PPM1K: variants seen among roughly 807,000 people sequenced by gnomAD.
PPM1K encodes the protein protein phosphatase, Mg2+/Mn2+ dependent 1K, also known as protein phosphatase Mn(2+)-dependent 1K.
A neutral mutation model predicts 32.6 loss-of-function variants in PPM1K; 19 were observed. The observed-to-expected ratio is 0.58, with a 90% CI of 0.41 to 0.86. The LOEUF is 0.86. Ranked by LOEUF, PPM1K falls within the 40% of genes least tolerant of loss-of-function variation. PPM1K has a pLI of 0.00. For missense variants in PPM1K, 362 were observed against 461.2 expected, an observed-to-expected ratio of 0.78 and a Z score of 1.97; for synonymous variants, 159 against 165.3, an observed-to-expected ratio of 0.96 and a Z score of 0.29.
intron 3 of PPM1K, 90 bp from the exon 4 acceptor site, chr4:88,268,996 A>T: frequency 9.2e-7 from 1 of 1,090,826 alleles, no homozygotes; most frequent in Non-Finnish European, 1.3e-6. Flanking sequence ...CACAAGCATG[A>T]TAAACTAATG....
chr4:88,273,193 A>G (rs1309437120), intron 3 of PPM1K, among the ~76,000 whole-genome samples: 2 of 152,258 alleles, frequency 1.3e-5, no homozygotes, highest in African/African-American at 4.8e-5. Context: ...TGGTATTGAT[A>G]CAGGAGCTAG....
intron 5 of PPM1K, among the ~76,000 whole-genome samples, chr4:88,265,970 T>A (rs1306704380): frequency 6.6e-6 from 1 of 152,172 alleles, no homozygotes. Context: ...TGAGCAGAGG[T>A]GCATTGACCT....
At chr4:88,268,131 G>T in intron 5 of PPM1K, 59 bp downstream of exon 5, 1 of 1,562,490 alleles carries the variant, frequency 6.4e-7, no homozygotes, top group Non-Finnish European at 8.8e-7. Context: ...AGGTGCAGCA[G>T]AGACAATCCT....
chr4:88,278,856 A>T lies in PPM1K; in HGVS notation c.-59-214T>A. 1 of 380,012 alleles carries T rather than the reference A, an allele frequency of 2.6e-6. No homozygotes were observed. Among genetic ancestry groups the T allele is most frequent in the Non-Finnish European group, 4.8e-6 (1 of 209,800 alleles). 23.5% of individuals were successfully genotyped at this position (380,012 alleles called of 1,614,324 possible). A position where few individuals can be genotyped will look rare whatever the true frequency, so the allele number is the denominator to read the frequency against. On this transcript the variant is annotated intron_variant, in intron 1 of 6. Coordinates refer to ENST00000608933, the MANE Select transcript of PPM1K (RefSeq NM_152542.5). This position sits in a 1 kb window ranked among gnomAD's most constrained non-coding sequence, Gnocchi z 4.2. ...AGGCATCCAGTAGCCTGCTTCTAAG[A>T]ACAGTGGATCAAAAATGAATCGATT...
At position 88,278,911 on chromosome 4, in the gene PPM1K, T is replaced by C. The variant is rs1731903279; in HGVS notation, c.-59-269A>G. On this transcript the variant is annotated intron_variant, in intron 1 of 6. Transcript: ENST00000608933. This position sits in a 1 kb window ranked among gnomAD's most constrained non-coding sequence, Gnocchi z 4.2. ...TACCGCATTCACAGCATTTAAATTC[T>C]ATAAAAATTTAACAGTGTGCACATA... The C allele has an allele frequency of 3.7e-6, 1 of 272,372 alleles. No homozygotes were observed. Among genetic ancestry groups the C allele is most frequent in the Non-Finnish European group, 7.1e-6 (1 of 141,516 alleles). 16.9% of individuals were successfully genotyped at this position (272,372 alleles called of 1,614,324 possible).
At chr4:88,268,355 A>G (rs1232120267) in intron 4 of PPM1K, 21 bp from the exon 5 acceptor site, 4 of 1,614,086 alleles carry the variant, frequency 2.5e-6, no homozygotes, top group African/African-American at 2.7e-5. Context: ...TTAAATGACA[A>G]TGGTGTGATA....
intron 5 of PPM1K, 102 bp downstream of exon 5, chr4:88,268,088 A>T (rs1173699971): frequency 1.2e-5 from 15 of 1,278,550 alleles, no homozygotes; most frequent in Non-Finnish European, 1.6e-5. Flanking sequence ...CCCTTTTAAA[A>T]ATCATTTTGG....
chr4:88,280,723 C>T (rs1315292586), intron 1 of PPM1K, among the ~76,000 whole-genome samples: 1 of 152,132 alleles, frequency 6.6e-6, no homozygotes, highest in Non-Finnish European at 1.5e-5. Flanking sequence ...CATGGTGAAA[C>T]CCTGTCTCTA....
chr4:88,275,299 AAG>A (rs1731720508), intron 3 of PPM1K: 1 of 921,806 alleles, frequency 1.1e-6, no homozygotes. Flanking sequence ...TGTGCTGCTG[AAG>A]TTAGCATATG....
At chr4:88,264,939 A>G in intron 6 of PPM1K, 62 bp downstream of exon 6, 1 of 1,541,888 alleles carries the variant, frequency 6.5e-7, no homozygotes, top group Non-Finnish European at 8.8e-7. Flanking sequence ...CTAAAACACA[A>G]TGCCTGGACT....
rs56695048 is a variant in PPM1K, at chr4:88,261,864, A to ATTTTTTTTTT, written c.*721_*730dup. On this transcript the variant is annotated 3_prime_UTR_variant, in exon 7 of 7. Coordinates refer to ENST00000608933, the MANE Select transcript of PPM1K (RefSeq NM_152542.5). ...AGGTGTCTGCCACCACGCCCAGCCA[A>ATTTTTTTTTT]TTTTTTTTTTTTTTTTTTTTTTTTT... 1.3e-5 allele frequency: 1 copy of ATTTTTTTTTT among 74,648 alleles called. No homozygotes were observed. Among genetic ancestry groups the ATTTTTTTTTT allele is most frequent in the Non-Finnish European group, 2.4e-5 (1 of 40,894 alleles). The allele number at this position is 74,648 out of a possible 1,614,324, so 4.6% of individuals were successfully genotyped here. A position where few individuals can be genotyped will look rare whatever the true frequency, so the allele number is the denominator to read the frequency against.
At chr4:88,281,445 A>G (rs1017697059) in intron 1 of PPM1K, among the ~76,000 whole-genome samples, 5 of 152,220 alleles carry the variant, frequency 3.3e-5, no homozygotes, top group Middle Eastern at 3.2e-3. Context: ...TTTTTAAGAA[A>G]TGAGATAAAA....
Position 88,268,204 on chromosome 4 carries a change from T to A in PPM1K, c.838A>T (p.Thr280Ser). 6.2e-7 allele frequency: 1 copy of A among 1,614,142 alleles called. No homozygotes were observed. Among genetic ancestry groups the A allele is most frequent in the Non-Finnish European group, 8.5e-7 (1 of 1,180,000 alleles). The change falls in exon 5 of 7, where the codon ACT becomes TCT. Residue 280 changes from threonine (T) to serine (S), a missense_variant. Physicochemically the swap from Thr to Ser is moderately conservative, Grantham distance 58. Coordinates refer to ENST00000608933, the MANE Select transcript of PPM1K (RefSeq NM_152542.5). ...KTSGVIAEPE[T>S]KRIKLHHADD... is the part of the protein sequence containing the mutation. ...TCCTTTCTTACCTTAATCCTCTTAG[T>A]TTCAGGTTCTGCTATGACACCACTG...
At chr4:88,279,616 C>T (rs548462953) in intron 1 of PPM1K, 5 of 152,330 alleles carry the variant, frequency 3.3e-5, no homozygotes, top group Admixed American at 3.3e-4. Flanking sequence ...CATTTCTGGA[C>T]TCCACCCTGA....
chr4:88,259,068 CAG>C lies in PPM1K; in HGVS notation c.*3525_*3526del, dbSNP rs1162129429. On this transcript the variant is annotated 3_prime_UTR_variant, in exon 7 of 7. Transcript: ENST00000608933. ...TGCCACTGCACTCCAGCCTGGGTGA[CAG>C]AGAGAGACTCCTTCTCAAAAAAAAA... The C allele has an allele frequency of 3.4e-5, 5 of 147,162 alleles. No homozygotes were observed. The East Asian group carries it at 7.9e-4, about 23-fold the overall frequency. The allele number at this position is 147,162 out of a possible 1,614,324, so 9.1% of individuals were successfully genotyped here.
intron 1 of PPM1K, chr4:88,279,622 C>T (rs2110173196): frequency 6.6e-6 from 1 of 152,318 alleles, no homozygotes; most frequent in East Asian, 1.9e-4. Context: ...TGGACTCCAC[C>T]CTGAAACTCA....
chr4:88,281,225 T>C (rs754985046), intron 1 of PPM1K, among the ~76,000 whole-genome samples: 6 of 152,256 alleles, frequency 3.9e-5, no homozygotes, highest in African/African-American at 4.8e-5. Flanking sequence ...TGAAAGTATA[T>C]ATGCCATATT....
At chr4:88,276,062 T>C (rs1432730956) in intron 3 of PPM1K, 45 of 985,418 alleles carry the variant, frequency 4.6e-5, no homozygotes, top group Non-Finnish European at 5.4e-5. Flanking sequence ...AATCTCAAGA[T>C]GGTAAATAGA....
At chr4:88,273,299 A>G (rs954951469) in intron 3 of PPM1K, among the ~76,000 whole-genome samples, 12 of 152,234 alleles carry the variant, frequency 7.9e-5, no homozygotes, top group African/African-American at 2.7e-4. Context: ...CTTTTCTAAC[A>G]AAGAGCAACC....
Sources: allele counts gnomAD v4.1 joint callset (sites outside exome capture counted in the v4.1 genomes callset), GRCh38; gene constraint gnomAD v4.1.1; non-coding constraint Gnocchi (gnomAD v3.1); transcripts MANE v1.5; gene names NCBI Gene and HGNC (gene_info 2026-07-23, HGNC 2026-07-21).